The following PALLD variants were observed in gnomAD, a reference collection of about 807,000 sequenced individuals.
PALLD encodes palladin.
In PALLD, 61 loss-of-function variants were observed where a neutral mutation model predicts 123.5. The ratio of observed to expected loss-of-function variants is 0.49; its 90% CI spans 0.40 to 0.61. The LOEUF (loss-of-function observed/expected upper bound fraction) is 0.61, where lower values mean the gene tolerates loss of function less well. Ranked by LOEUF, PALLD falls within the 20% of genes least tolerant of loss-of-function variation. The pLI is 0.00. For missense variants in PALLD, 1,273 were observed against 1,377.0 expected (o/e 0.92, Z 1.20); for synonymous variants, 465 against 496.4 (o/e 0.94, Z 0.84).
At chr4:168,766,170 G>A (rs1407140519) in intron 10 of PALLD, among the ~76,000 whole-genome samples, 1 of 152,188 alleles carries the variant, frequency 6.6e-6, no homozygotes, top group East Asian at 1.9e-4. Context: ...AATACCAATA[G>A]TAACCACAAT....
intron 10 of PALLD, among the ~76,000 whole-genome samples, chr4:168,789,377 T>C (rs1737186076): frequency 6.6e-6 from 1 of 152,208 alleles, no homozygotes; most frequent in African/African-American, 2.4e-5. Context: ...TTTTTGCAAG[T>C]GTATAATTTT....
intron 10 of PALLD, among the ~76,000 whole-genome samples, chr4:168,805,394 G>A (rs1341930281): frequency 1.3e-5 from 2 of 151,992 alleles, no homozygotes; most frequent in African/African-American, 4.8e-5. Context: ...CTGGTTAGAA[G>A]GACATAAGAG....
At chr4:168,565,341 C>T (rs1489833901) in intron 2 of PALLD, among the ~76,000 whole-genome samples, 2 of 152,076 alleles carry the variant, frequency 1.3e-5, no homozygotes, top group Non-Finnish European at 2.9e-5. Flanking sequence ...TATTTAGAGA[C>T]CATTCCATGC....
intron 3 of PALLD, among the ~76,000 whole-genome samples, chr4:168,671,562 C>T (rs2045733680): frequency 1.3e-5 from 2 of 152,184 alleles, no homozygotes; most frequent in Non-Finnish European, 2.9e-5. Flanking sequence ...TGTGAAGATT[C>T]AGTCTGCTAA....
intron 10 of PALLD, among the ~76,000 whole-genome samples, chr4:168,810,672 G>A (rs999972629): frequency 6.6e-6 from 1 of 151,874 alleles, no homozygotes; most frequent in African/African-American, 2.4e-5. Context: ...GCCGGGCGTG[G>A]TGGCTCACGC....
chr4:168,674,250 C>T (rs1404565453), intron 3 of PALLD, among the ~76,000 whole-genome samples: 1 of 152,102 alleles, frequency 6.6e-6, no homozygotes, highest in Non-Finnish European at 1.5e-5. Context: ...ATTTAGCTAG[C>T]CATGTGGATG....
intron 2 of PALLD, among the ~76,000 whole-genome samples, chr4:168,533,664 G>A (rs888185661): frequency 6.6e-6 from 1 of 152,122 alleles, no homozygotes; most frequent in Non-Finnish European, 1.5e-5. Flanking sequence ...ATGGGGGCTG[G>A]AGCTTGGGAG....
chr4:168,541,996 T>A (rs938907977), intron 2 of PALLD, among the ~76,000 whole-genome samples: 2 of 152,152 alleles, frequency 1.3e-5, no homozygotes, highest in African/African-American at 4.8e-5. Flanking sequence ...GGGAAAGTGG[T>A]GGTGGATCTA....
chr4:168,508,832 C>T (rs1322351246), intron 1 of PALLD, among the ~76,000 whole-genome samples: 2 of 152,084 alleles, frequency 1.3e-5, no homozygotes, highest in Non-Finnish European at 2.9e-5. Flanking sequence ...TACCTAATGG[C>T]TCATCTCCCC....
chr4:168,512,252 G>C lies in PALLD; in HGVS notation c.748G>C (p.Ala250Pro). Reference protein sequence around the residue: ...RHCYQDNQDLAVPHNRKSHPQ... With the variant: ...RHCYQDNQDLPVPHNRKSHPQ... The stretch of plus-strand genomic sequence containing the variant: ...TTGCTACCAGGACAACCAGGACTTG[G>C]CAGTGCCACACAACCGCAAGTCTCA... Residue 250 changes from alanine (A) to proline (P), a missense_variant, in exon 2 of 22, where the codon GCA becomes CCA. This residue lies in a region of PALLD where 944 missense variants were observed against 954.5 expected (regional missense o/e 0.99). Coordinates refer to ENST00000505667, the MANE Select transcript of PALLD (RefSeq NM_001166108.2). The C allele has an allele frequency of 1.2e-6, 2 of 1,614,076 alleles. No individual in the cohort carries two copies. The highest frequency in any genetic ancestry group is 1.7e-6 in the Non-Finnish European group (2 of 1,180,006).
At position 168,793,113 on chromosome 4, in the gene PALLD, T is replaced by TTATATATGTGTGTGCATATATATACA. The variant is rs1250651444; in HGVS notation, c.1964+81203_1964+81228dup. Among the ~76,000 whole-genome samples, 26 of 141,158 alleles carry TTATATATGTGTGTGCATATATATACA rather than the reference T, an allele frequency of 1.8e-4. 1 individual carries two copies. Among genetic ancestry groups the TTATATATGTGTGTGCATATATATACA allele is most frequent in the East Asian group, 1.2e-3 (6 of 4,986 alleles). The allele number at this position is 141,158 out of a possible 152,430, so 92.6% of individuals were successfully genotyped here. ...TTACAAGTAAATATACCTACATATT[T>TTATATATGTGTGTGCATATATATACA]TATATATGTGTGTGCATATATATAC... On this transcript the variant is annotated intron_variant, in intron 10 of 21. Coordinates refer to ENST00000505667, the MANE Select transcript of PALLD (RefSeq NM_001166108.2).
chr4:168,612,708 T>C (rs1308111633), intron 2 of PALLD, among the ~76,000 whole-genome samples: 1 of 152,126 alleles, frequency 6.6e-6, no homozygotes. Flanking sequence ...ACCAAAAATA[T>C]CTATAAATTT....
At chr4:168,524,679 T>C (rs769921884) in intron 2 of PALLD, among the ~76,000 whole-genome samples, 4 of 152,140 alleles carry the variant, frequency 2.6e-5, no homozygotes, top group Non-Finnish European at 5.9e-5. Flanking sequence ...CTCCTGACCA[T>C]CAGAAACACC....
chr4:168,616,516 A>AAAC (rs1774237765), intron 2 of PALLD, among the ~76,000 whole-genome samples: 1 of 152,116 alleles, frequency 6.6e-6, no homozygotes, highest in South Asian at 2.1e-4. Flanking sequence ...ACTAGGGGAG[A>AAAC]AACAGATGGA....
Position 168,927,321 on chromosome 4 carries a change from T to C in PALLD, c.*1141T>C, listed in dbSNP as rs546038973. On this transcript the variant is annotated 3_prime_UTR_variant, in exon 22 of 22. Coordinates refer to ENST00000505667, the MANE Select transcript of PALLD (RefSeq NM_001166108.2). ...AGGCCAGGCTTTTCTTTGGTTTTCT[T>C]CAAACATAGGTGAAAAAAACACTGC... 57 of 232,164 alleles carry C rather than the reference T, an allele frequency of 2.5e-4. No homozygotes were observed. Among genetic ancestry groups the C allele is most frequent in the African/African-American group, 1.2e-3 (55 of 45,388 alleles). The allele number at this position is 232,164 out of a possible 1,614,324, so 14.4% of individuals were successfully genotyped here.
At position 168,592,018 on chromosome 4, in the gene PALLD, A is replaced by ATTTTTTT. The variant is rs10672786; in HGVS notation, c.909-76162_909-76156dup. ...TCGGCTACTCTTAGTACTATTATGG[A>ATTTTTTT]TTTTTTTTTTTTTTTTGAGATGGAG... On this transcript the variant is annotated intron_variant, in intron 2 of 21. Coordinates refer to ENST00000505667, the MANE Select transcript of PALLD (RefSeq NM_001166108.2). 3.6e-5 allele frequency among the ~76,000 whole-genome samples: 5 copies of ATTTTTTT among 138,970 alleles called. 1 individual carries two copies. The highest frequency in any genetic ancestry group is 4.6e-5 in the Non-Finnish European group (3 of 64,834). The allele number at this position is 138,970 out of a possible 152,430, so 91.2% of individuals were successfully genotyped here.
intron 2 of PALLD, among the ~76,000 whole-genome samples, chr4:168,589,904 T>C (rs1318137781): frequency 2.0e-5 from 3 of 152,208 alleles, no homozygotes; most frequent in Admixed American, 6.5e-5. Context: ...TGGCCCCATG[T>C]CCACCTAAGT....
chr4:168,774,886 A>G (rs1332999480), intron 10 of PALLD, among the ~76,000 whole-genome samples: 3 of 152,092 alleles, frequency 2.0e-5, no homozygotes, highest in African/African-American at 4.8e-5. Context: ...AAGGTTTTAT[A>G]TAAATGGAAT....
intron 8 of PALLD, among the ~76,000 whole-genome samples, chr4:168,702,298 C>A (rs1329913101): frequency 6.6e-6 from 1 of 152,142 alleles, no homozygotes; most frequent in Admixed American, 6.5e-5. Context: ...CTCCTGTAAT[C>A]CCAGCACTTT....
Sources: allele counts gnomAD v4.1 joint callset (sites outside exome capture counted in the v4.1 genomes callset), GRCh38; gene constraint gnomAD v4.1.1; regional missense constraint gnomAD v4.1.1; transcripts MANE v1.5; gene names NCBI Gene and HGNC (gene_info 2026-07-23, HGNC 2026-07-21).